SPMAP2L: variants seen among roughly 807,000 people sequenced by gnomAD.
SPMAP2L encodes sperm microtubule associated protein 2-like.
the SPMAP2L span, chr4:56,559,429 GT>G: frequency 4.6e-6 from 7 of 1,528,802 alleles, no homozygotes; most frequent in Non-Finnish European, 6.1e-6. Flanking sequence ...TATTCGCCCT[GT>G]TTCCCAGGGT....
chr4:56,585,652 A>G, the SPMAP2L span, among the ~76,000 whole-genome samples: 2 of 152,168 alleles, frequency 1.3e-5, no homozygotes, highest in Non-Finnish European at 2.9e-5. Context: ...TACAGTTGGA[A>G]TTTAAAGGCC....
At chr4:56,550,312 T>C in the SPMAP2L span, among the ~76,000 whole-genome samples, 1 of 152,134 alleles carries the variant, frequency 6.6e-6, no homozygotes, top group South Asian at 2.1e-4. Context: ...TCTAGATTTT[T>C]CCCCCTTCCT....
chr4:56,617,088 T>C, the SPMAP2L span, among the ~76,000 whole-genome samples: 2 of 152,156 alleles, frequency 1.3e-5, no homozygotes, highest in African/African-American at 4.8e-5. Context: ...GGATATGCTC[T>C]GAGAAATGTG....
chr4:56,599,003 G>C, the SPMAP2L span, among the ~76,000 whole-genome samples: 1 of 152,106 alleles, frequency 6.6e-6, no homozygotes, highest in East Asian at 1.9e-4. Context: ...ATGTGCCTTT[G>C]CTCCTCCTTT....
the SPMAP2L span, among the ~76,000 whole-genome samples, chr4:56,558,029 T>A: frequency 6.6e-6 from 1 of 151,982 alleles, no homozygotes; most frequent in Non-Finnish European, 1.5e-5. Flanking sequence ...AGTGCAGTAG[T>A]ACGTTCTTGG....
the SPMAP2L span, chr4:56,552,736 T>C: frequency 1.6e-6 from 1 of 644,574 alleles, no homozygotes; most frequent in South Asian, 1.9e-5. Flanking sequence ...GTCACCTCAT[T>C]GTAGTCAGCA....
At chr4:56,609,050 CTTTTT>C in the SPMAP2L span, among the ~76,000 whole-genome samples, 1 of 115,618 alleles carries the variant, frequency 8.6e-6, no homozygotes, top group Non-Finnish European at 1.8e-5. Context: ...TTCTTTCTTT[CTTTTT>C]TTTTTTTTTT....
At chr4:56,590,920 C>T in the SPMAP2L span, among the ~76,000 whole-genome samples, 1 of 152,030 alleles carries the variant, frequency 6.6e-6, no homozygotes, top group Admixed American at 6.6e-5. Flanking sequence ...GTAGGATCTT[C>T]AGTTTGAATG....
the SPMAP2L span, among the ~76,000 whole-genome samples, chr4:56,553,020 A>G: frequency 6.6e-6 from 1 of 152,012 alleles, no homozygotes; most frequent in Non-Finnish European, 1.5e-5. Context: ...TAAGGCTCCT[A>G]TCACTAATCC....
chr4:56,593,783 A>G, the SPMAP2L span: 1 of 1,588,490 alleles, frequency 6.3e-7, no homozygotes. Context: ...TGAGAGAGAC[A>G]TGGCTACCAG....
the SPMAP2L span, among the ~76,000 whole-genome samples, chr4:56,541,681 A>G: frequency 6.6e-6 from 1 of 152,198 alleles, no homozygotes. Context: ...AATTTGTTTT[A>G]AAGAAACTGC....
chr4:56,563,254 G>T, the SPMAP2L span, among the ~76,000 whole-genome samples: 4 of 149,808 alleles, frequency 2.7e-5, no homozygotes, highest in South Asian at 8.6e-4. Flanking sequence ...CACCATACCC[G>T]GCTAATTTTT....
At chr4:56,592,497 C>G in the SPMAP2L span, among the ~76,000 whole-genome samples, 1 of 152,260 alleles carries the variant, frequency 6.6e-6, no homozygotes, top group Non-Finnish European at 1.5e-5. Context: ...AGCGCAGCGC[C>G]CATTCATTGC....
the SPMAP2L span, among the ~76,000 whole-genome samples, chr4:56,576,546 C>T: frequency 3.9e-5 from 6 of 152,120 alleles, no homozygotes; most frequent in Non-Finnish European, 8.8e-5. Context: ...CACCCTCATC[C>T]CTGCAAGTTT....
chr4:56,586,131 G>C, the SPMAP2L span, among the ~76,000 whole-genome samples: 1 of 152,160 alleles, frequency 6.6e-6, no homozygotes, highest in African/African-American at 2.4e-5. Context: ...CTGAAATGGT[G>C]GGGGGCTGGA....
the SPMAP2L span, among the ~76,000 whole-genome samples, chr4:56,581,796 AC>A: frequency 2.0e-5 from 3 of 152,212 alleles, no homozygotes; most frequent in Non-Finnish European, 4.4e-5. Context: ...AGTAATTAAG[AC>A]AATTTGTTAC....
At chr4:56,568,794 A>C in the SPMAP2L span, among the ~76,000 whole-genome samples, 4 of 152,244 alleles carry the variant, frequency 2.6e-5, no homozygotes, top group African/African-American at 9.6e-5. Context: ...CATTAAACTC[A>C]TTAGCAGTCA....
the SPMAP2L span, among the ~76,000 whole-genome samples, chr4:56,597,923 C>G: frequency 6.6e-6 from 1 of 152,176 alleles, no homozygotes; most frequent in African/African-American, 2.4e-5. Flanking sequence ...AGTGCAGCAG[C>G]ACGATCATGG....
the SPMAP2L span, among the ~76,000 whole-genome samples, chr4:56,618,797 A>G: frequency 6.6e-6 from 1 of 152,202 alleles, no homozygotes; most frequent in Non-Finnish European, 1.5e-5. Context: ...ATAATGCCAA[A>G]GCAGCACGGA....
Sources: allele counts gnomAD v4.1 joint callset (sites outside exome capture counted in the v4.1 genomes callset), GRCh38; gene constraint gnomAD v4.1.1; transcripts MANE v1.5; gene names NCBI Gene and HGNC (gene_info 2026-07-23, HGNC 2026-07-21).